The following SCAPER variants were observed in gnomAD, a reference collection of about 807,000 sequenced individuals.
SCAPER encodes the protein S phase cyclin A-associated protein in the endoplasmic reticulum.
SCAPER carries 98 observed loss-of-function variants against 182.2 expected under a neutral mutation model. The ratio of observed to expected loss-of-function variants is 0.54; its 90% confidence interval spans 0.46 to 0.64. The LOEUF (loss-of-function observed/expected upper bound fraction) is 0.64. Among genes scored for constraint, SCAPER ranks in the 30% least tolerant of loss-of-function variants. The pLI, the probability that SCAPER is intolerant of heterozygous loss-of-function variation, is 0.00. For missense variants in SCAPER, 1,432 were observed against 1,690.0 expected (o/e 0.85, Z 2.68); for synonymous variants, 605 against 564.6 (o/e 1.07, Z -1.01).
At chr15:76,676,797 T>A (rs914563002) in intron 20 of SCAPER, among the ~76,000 whole-genome samples, 3 of 151,470 alleles carry the variant, frequency 2.0e-5, no homozygotes, top group Admixed American at 6.6e-5. Context: ...TATTTGGGCA[T>A]AAAAAGAAGA....
chr15:76,635,842 T>G (rs909954457), intron 21 of SCAPER, among the ~76,000 whole-genome samples: 5 of 152,222 alleles, frequency 3.3e-5, no homozygotes, highest in African/African-American at 1.2e-4. Flanking sequence ...TTCATTCTAT[T>G]AATATGGTAT....
intron 23 of SCAPER, among the ~76,000 whole-genome samples, chr15:76,509,647 C>A (rs868741675): frequency 3.3e-5 from 5 of 152,214 alleles, no homozygotes; most frequent in Middle Eastern, 3.4e-3. Flanking sequence ...AACCACATTG[C>A]CAAAGGCACT....
chr15:76,615,801 CAG>C (rs1388175277), intron 22 of SCAPER, among the ~76,000 whole-genome samples: 1 of 133,098 alleles, frequency 7.5e-6, no homozygotes, highest in Non-Finnish European at 1.5e-5. Flanking sequence ...GCCTGGGTAA[CAG>C]AGCGAGATTC....
At chr15:76,449,586 C>T (rs904816461) in intron 25 of SCAPER, among the ~76,000 whole-genome samples, 1 of 152,216 alleles carries the variant, frequency 6.6e-6, no homozygotes, top group African/African-American at 2.4e-5. Flanking sequence ...TTAAGGTTTA[C>T]AGCTCTTGAT....
intron 25 of SCAPER, among the ~76,000 whole-genome samples, chr15:76,466,419 CT>C: frequency 0.023 from 865 of 37,388 alleles, 9 homozygotes; most frequent in Middle Eastern, 0.042. Flanking sequence ...GTTGGTTCTT[CT>C]TTTTTTTTTT....
chr15:76,748,899 C>T (rs896536750), intron 15 of SCAPER, among the ~76,000 whole-genome samples: 1 of 151,438 alleles, frequency 6.6e-6, no homozygotes, highest in Non-Finnish European at 1.5e-5. Context: ...ACCCCAGACC[C>T]AGATAGCTTC....
At chr15:76,856,154 G>C (rs2071346150) in intron 4 of SCAPER, among the ~76,000 whole-genome samples, 1 of 152,140 alleles carries the variant, frequency 6.6e-6, no homozygotes, top group South Asian at 2.1e-4. Context: ...ATTATCCTTA[G>C]CAAACTATCG....
intron 5 of SCAPER, among the ~76,000 whole-genome samples, 156 bp from the exon 6 acceptor site, chr15:76,804,789 T>A (rs1230502403): frequency 6.6e-6 from 1 of 152,168 alleles, no homozygotes; most frequent in Non-Finnish European, 1.5e-5. Context: ...TCATTCTGTT[T>A]GGTAAGATAA....
chr15:76,628,684 A>G (rs1315971048), intron 21 of SCAPER, among the ~76,000 whole-genome samples: 1 of 152,168 alleles, frequency 6.6e-6, no homozygotes, highest in African/African-American at 2.4e-5. Context: ...GCCCTATAAT[A>G]TAGTTTGAAG....
Position 76,381,624 on chromosome 15 carries a change from G to C in SCAPER, c.3468-9C>G. On this transcript the variant is annotated splice_polypyrimidine_tract_variant and intron_variant, in intron 27 of 31. Coordinates refer to ENST00000563290, the MANE Select transcript of SCAPER (RefSeq NM_020843.4). ...CAAATATGCTGTATGACCTGACAAA[G>C]AAACATTCAGTTCTTTGAGAAAAAC... 6.4e-7 allele frequency: 1 copy of C among 1,562,874 alleles called. No homozygotes were observed. Among genetic ancestry groups the C allele is most frequent in the Non-Finnish European group, 8.7e-7 (1 of 1,151,010 alleles).
intron 4 of SCAPER, among the ~76,000 whole-genome samples, chr15:76,850,262 T>C (rs1406434687): frequency 6.6e-6 from 1 of 152,202 alleles, no homozygotes. Flanking sequence ...AAAGGACTTT[T>C]TTAGCACACT....
At chr15:76,454,559 G>A (rs960864545) in intron 25 of SCAPER, among the ~76,000 whole-genome samples, 7 of 152,038 alleles carry the variant, frequency 4.6e-5, no homozygotes, top group East Asian at 3.9e-4. Context: ...AGAATATAAC[G>A]TTTAGTTTTG....
intron 26 of SCAPER, among the ~76,000 whole-genome samples, chr15:76,410,089 G>A (rs989967694): frequency 6.6e-6 from 1 of 151,900 alleles, no homozygotes; most frequent in African/African-American, 2.4e-5. Context: ...CATGGCATCC[G>A]GCCTACTTCT....
Position 76,550,215 on chromosome 15 carries a change from C to T in SCAPER, c.2838+23943G>A, listed in dbSNP as rs559582886. 1.4e-4 allele frequency among the ~76,000 whole-genome samples: 22 copies of T among 152,196 alleles called. No individual in the cohort carries two copies. The East Asian group carries it at 3.9e-3, about 27-fold the overall frequency. ...TTAAATAAAAATTTATTTTAAGTTT[C>T]AGGATACATGTGCAGGACATGTAGG... On this transcript the variant is annotated intron_variant, in intron 23 of 31. Transcript: ENST00000563290.
intron 23 of SCAPER, among the ~76,000 whole-genome samples, chr15:76,563,117 C>T (rs77830617): frequency 0.028 from 4,327 of 152,066 alleles, 188 homozygotes; most frequent in African/African-American, 0.093. Flanking sequence ...TCATAAAATG[C>T]AGAGAAAGGA....
intron 26 of SCAPER, among the ~76,000 whole-genome samples, chr15:76,410,409 G>C (rs2142208368): frequency 6.6e-6 from 1 of 152,276 alleles, no homozygotes; most frequent in East Asian, 1.9e-4. Flanking sequence ...TTCTATAATA[G>C]AGGTATGTTC....
intron 24 of SCAPER, among the ~76,000 whole-genome samples, chr15:76,486,563 T>A: frequency 6.6e-6 from 1 of 152,126 alleles, no homozygotes; most frequent in East Asian, 1.9e-4. Context: ...TAGACACTTT[T>A]CTAAAGATGA....
At chr15:76,588,113 G>A (rs985443533) in intron 22 of SCAPER, among the ~76,000 whole-genome samples, 3 of 151,952 alleles carry the variant, frequency 2.0e-5, no homozygotes, top group African/African-American at 4.8e-5. Context: ...TAGTAGAGAC[G>A]GGGTTTCACC....
intron 27 of SCAPER, among the ~76,000 whole-genome samples, chr15:76,390,583 C>T (rs1256589507): frequency 6.6e-6 from 1 of 152,296 alleles, no homozygotes; most frequent in African/African-American, 2.4e-5. Flanking sequence ...CTCTGGGTGA[C>T]TGACAACAAG....
Sources: gnomAD v4.1 joint callset for allele counts (sites outside exome capture counted in the v4.1 genomes callset) on GRCh38, gnomAD v4.1.1 for gene constraint, MANE v1.5 for transcripts, NCBI Gene and HGNC (gene_info 2026-07-23, HGNC 2026-07-21) for gene names.